The following TTF2 variants were observed in gnomAD, a reference collection of about 807,000 sequenced individuals.
TTF2 encodes the protein RNA polymerase II termination factor.
A neutral mutation model predicts 142.4 loss-of-function variants in TTF2; 108 were observed. That is an observed-to-expected ratio of 0.76 (90% CI 0.65 to 0.89). The LOEUF (loss-of-function observed/expected upper bound fraction) is 0.89. Ranked by LOEUF, TTF2 falls within the 40% of genes least tolerant of loss-of-function variation. The pLI is 0.00. For synonymous variants in TTF2, 483 were observed against 506.2 expected (o/e 0.95, Z 0.61); for missense variants, 1,327 against 1,379.8 (o/e 0.96, Z 0.61).
chr1:117,075,184 A>G lies in TTF2; in HGVS notation c.600A>G (p.Ala200=). 1.2e-6 allele frequency: 2 copies of G among 1,614,230 alleles called. No individual in the cohort carries two copies. Among genetic ancestry groups the G allele is most frequent in the South Asian group, 1.1e-5 (1 of 91,078 alleles). The change falls in exon 5 of 23, where the codon GCA becomes GCG. Residue 200 remains alanine, a synonymous_variant. Coordinates refer to ENST00000369466, the MANE Select transcript of TTF2 (RefSeq NM_003594.4). This position sits in a 1 kb window ranked among gnomAD's most constrained non-coding sequence, Gnocchi z 4.5. ...VVQEKKQEEG[A]EIQCEAETGG... is the part of the protein sequence containing the mutation. ...AAGAGAAGAAGCAAGAAGAGGGAGC[A>G]GAGATTCAGTGTGAGGCAGAGACTG...
rs185920508 is a variant in TTF2 at position 117,072,582 on chromosome 1, G to A, written c.219-1079G>A. Among the ~76,000 whole-genome samples, 362 of 151,812 alleles carry A rather than the reference G, an allele frequency of 2.4e-3. 1 individual carries two copies. Among genetic ancestry groups the A allele is most frequent in the Non-Finnish European group, 3.5e-3 (236 of 67,934 alleles). On this transcript the variant is annotated intron_variant, in intron 3 of 22. Transcript: ENST00000369466. ...TGGGACTACAGGCATGTGCCACCACGCCGGGCTAATTTTTGTATTTTTAGT... is the reference window on the plus strand; with the variant it reads ...TGGGACTACAGGCATGTGCCACCACACCGGGCTAATTTTTGTATTTTTAGT...
Position 117,101,486 on chromosome 1 carries a change from C to T in TTF2, c.3451C>T (p.Leu1151Phe), listed in dbSNP as rs1292746890. The change falls in exon 23 of 23, where the codon CTC (leucine) becomes TTC (phenylalanine). Residue 1151 changes from leucine to phenylalanine, a missense_variant. Coordinates refer to ENST00000369466, the MANE Select transcript of TTF2 (RefSeq NM_003594.4). This position sits in a 1 kb window ranked among gnomAD's most constrained non-coding sequence, Gnocchi z 5.9. ...AGGGTCTGGAGAATCTGTCACCAAG[C>T]TCACCTTGGCTGACCTCAGAGTCCT... ...LSGSGESVTK[L>F]TLADLRVLFG... 6.2e-7 allele frequency: 1 copy of T among 1,602,962 alleles called. No individual in the cohort carries two copies. Among genetic ancestry groups the T allele is most frequent in the East Asian group, 2.2e-5 (1 of 44,766 alleles).
intron 10 of TTF2, among the ~76,000 whole-genome samples, chr1:117,082,613 T>TA (rs1355185131): frequency 2.6e-5 from 4 of 152,242 alleles, no homozygotes; most frequent in African/African-American, 4.8e-5. Context: ...TTTTAGTCAC[T>TA]ATAGTGGAAG....
chr1:117,065,143 A>C (rs1655986632), intron 3 of TTF2, among the ~76,000 whole-genome samples: 1 of 152,150 alleles, frequency 6.6e-6, no homozygotes, highest in Non-Finnish European at 1.5e-5. Context: ...TTCTTTTTCA[A>C]GATTGCGTTG....
At position 117,100,002 on chromosome 1, in the gene TTF2, C is replaced by T. The variant is rs1313016389; in HGVS notation, c.3344+1095C>T. ...AAGGTCTCCTAAACTTCAGACCTAT[C>T]GCAGTCCCTGCTAAATATCTGAATC... On this transcript the variant is annotated intron_variant, in intron 22 of 22. Coordinates refer to ENST00000369466, the MANE Select transcript of TTF2 (RefSeq NM_003594.4). The surrounding 1 kb of genome is among the most constrained non-coding windows in gnomAD (Gnocchi z 4.6). 2.0e-5 allele frequency among the ~76,000 whole-genome samples: 3 copies of T among 152,232 alleles called. No homozygotes were observed. Among genetic ancestry groups the T allele is most frequent in the Admixed American group, 6.5e-5 (1 of 15,282 alleles).
intron 11 of TTF2, among the ~76,000 whole-genome samples, chr1:117,084,500 T>TGG (rs1202459246): frequency 6.6e-6 from 1 of 152,152 alleles, no homozygotes; most frequent in Non-Finnish European, 1.5e-5. Flanking sequence ...TGATTCCAGG[T>TGG]GTACATAGTG....
intron 21 of TTF2, chr1:117,098,615 A>AT (rs978536347): frequency 4.7e-5 from 22 of 464,758 alleles, no homozygotes; most frequent in East Asian, 1.0e-4. Context: ...GGATCGACAG[A>AT]TTTTTTTTCT....
chr1:117,082,564 A>G (rs1286090177), intron 10 of TTF2, among the ~76,000 whole-genome samples: 1 of 152,218 alleles, frequency 6.6e-6, no homozygotes, highest in Non-Finnish European at 1.5e-5. Flanking sequence ...GGTAGATTCA[A>G]ATTAATTTTT....
rs138964764 is a variant in TTF2 at position 117,081,710 on chromosome 1, C to T, written c.1784-118C>T. On this transcript the variant is annotated intron_variant, in intron 9 of 22. Coordinates refer to ENST00000369466, the MANE Select transcript of TTF2 (RefSeq NM_003594.4). ...CATTAAGGTAGGCACAGAGTAGTGA[C>T]GGAGTGGCACTGACAGAGAACAATG... is the stretch of plus-strand genomic sequence containing the variant. 5.8e-5 allele frequency: 73 copies of T among 1,254,752 alleles called. No individual in the cohort carries two copies. The East Asian group carries it at 1.5e-3, about 25-fold the overall frequency. 77.7% of individuals were successfully genotyped at this position (1,254,752 alleles called of 1,614,324 possible).
chr1:117,075,967 T>C lies in TTF2; in HGVS notation c.1275+108T>C. 6.9e-7 allele frequency: 1 copy of C among 1,445,974 alleles called. No individual in the cohort carries two copies. The highest frequency in any genetic ancestry group is 9.2e-7 in the Non-Finnish European group (1 of 1,086,592). 89.6% of individuals were successfully genotyped at this position (1,445,974 alleles called of 1,614,324 possible). A position where few individuals can be genotyped will look rare whatever the true frequency, so the allele number is the denominator to read the frequency against. On this transcript the variant is annotated intron_variant, in intron 5 of 22. Coordinates refer to ENST00000369466, the MANE Select transcript of TTF2 (RefSeq NM_003594.4). The surrounding 1 kb of genome is among the most constrained non-coding windows in gnomAD (Gnocchi z 4.5). ...GTTAAATATGTTCATGTGAAGGTTT[T>C]ATAGGTGCATGTTCAGTTTCTGCCT...
intron 2 of TTF2, among the ~76,000 whole-genome samples, chr1:117,061,270 T>A (rs79131027): frequency 1.3e-3 from 204 of 152,294 alleles, no homozygotes; most frequent in African/African-American, 4.5e-3. Context: ...CACACGCCTG[T>A]AGTCCCAGCT....
In TTF2 at chr1:117,079,206, C is replaced by T. The variant is rs560430860; in HGVS notation, c.1702-362C>T. ...AGTGGGCTGAGATCACGCCACTGCA[C>T]TCTAGCCTGGGCAACAGAGCGAGGC... is the stretch of plus-strand genomic sequence containing the variant. On this transcript the variant is annotated intron_variant, in intron 8 of 22. Transcript: ENST00000369466. This position sits in a 1 kb window ranked among gnomAD's most constrained non-coding sequence, Gnocchi z 4.2. 6.6e-6 allele frequency among the ~76,000 whole-genome samples: 1 copy of T among 152,230 alleles called. No individual in the cohort carries two copies. Among genetic ancestry groups the T allele is most frequent in the East Asian group, 1.9e-4 (1 of 5,186 alleles).
chr1:117,096,177 C>A lies in TTF2; in HGVS notation c.3064C>A (p.Leu1022Met), dbSNP rs1649125800. 1.9e-6 allele frequency: 3 copies of A among 1,613,900 alleles called. No individual in the cohort carries two copies. Among genetic ancestry groups the A allele is most frequent in the African/African-American group, 1.3e-5 (1 of 74,842 alleles). The change falls in exon 20 of 23, where the codon CTG becomes ATG. Residue 1022 changes from leucine (L) to methionine (M), a missense_variant. Coordinates refer to ENST00000369466, the MANE Select transcript of TTF2 (RefSeq NM_003594.4). ...CATTGTCTCTCAGTGGACCAACATG[C>A]TGAAAGTTGTAGCATTGCACCTGAA... ...SVIVSQWTNM[L>M]KVVALHLKKH...
Position 117,074,916 on chromosome 1 carries a change from C to T in TTF2, c.332C>T (p.Ala111Val), listed in dbSNP as rs377624830. 5 of 1,611,648 alleles carry T rather than the reference C, an allele frequency of 3.1e-6. No homozygotes were observed. Among genetic ancestry groups the T allele is most frequent in the African/African-American group, 2.7e-5 (2 of 74,612 alleles). The change falls in exon 5 of 23, where the codon GCA becomes GTA. Residue 111 changes from alanine (A) to valine (V), a missense_variant. Transcript: ENST00000369466. ...TCTGTATCCAATAAGTCTCAGCATG[C>T]ATCTGAGACATTTCATCATTCTTCC... ...EHSVSNKSQH[A>V]SETFHHSSNW...
Position 117,090,750 on chromosome 1 carries a change from C to A in TTF2, c.2588+127C>A. On this transcript the variant is annotated intron_variant, in intron 15 of 22. Transcript: ENST00000369466. The surrounding 1 kb of genome is among the most constrained non-coding windows in gnomAD (Gnocchi z 4.8). Reference sequence around the variant, plus strand: ...TTGATTAGTTGGATGTCTGTATTCCCTTTTTTTTTTTACCCCATTTTTCTC... The same window carrying A: ...TTGATTAGTTGGATGTCTGTATTCCATTTTTTTTTTTACCCCATTTTTCTC... The A allele has an allele frequency of 1.6e-6, 1 of 614,982 alleles. No individual in the cohort carries two copies. Among genetic ancestry groups the A allele is most frequent in the African/African-American group, 2.0e-5 (1 of 51,246 alleles). 38.1% of individuals were successfully genotyped at this position (614,982 alleles called of 1,614,324 possible).
At chr1:117,065,816 C>CA (rs1656053002) in intron 3 of TTF2, among the ~76,000 whole-genome samples, 1 of 151,840 alleles carries the variant, frequency 6.6e-6, no homozygotes, top group Non-Finnish European at 1.5e-5. Context: ...CATTTACATA[C>CA]TACTGGAGGA....
rs1656464809 is a variant in TTF2, at chr1:117,070,222, C to T, written c.219-3439C>T. On this transcript the variant is annotated intron_variant, in intron 3 of 22. Coordinates refer to ENST00000369466, the MANE Select transcript of TTF2 (RefSeq NM_003594.4). This position sits in a 1 kb window ranked among gnomAD's most constrained non-coding sequence, Gnocchi z 4.2. ...CATGGCATGAGTTTTAAAGTAGACA[C>T]TACAGTCATGAGTCATTTAACAATG... is the stretch of plus-strand genomic sequence containing the variant. 1.3e-5 allele frequency among the ~76,000 whole-genome samples: 2 copies of T among 152,224 alleles called. No homozygotes were observed. Among genetic ancestry groups the T allele is most frequent in the African/African-American group, 4.8e-5 (2 of 41,448 alleles).
chr1:117,095,397 T>C (rs750527384), intron 19 of TTF2, 30 bp downstream of exon 19: 20 of 1,606,496 alleles, frequency 1.2e-5, no homozygotes, highest in Non-Finnish European at 1.7e-5. Flanking sequence ...ATCCAAGTAT[T>C]GGTCATAATT....
chr1:117,092,639 T>G lies in TTF2; in HGVS notation c.2806-92T>G. The G allele has an allele frequency of 1.4e-6, 2 of 1,405,296 alleles. No homozygotes were observed. The highest frequency in any genetic ancestry group is 9.7e-7 in the Non-Finnish European group (1 of 1,034,552). 87.1% of individuals were successfully genotyped at this position (1,405,296 alleles called of 1,614,324 possible). A position where few individuals can be genotyped will look rare whatever the true frequency, so the allele number is the denominator to read the frequency against. On this transcript the variant is annotated intron_variant, in intron 17 of 22. Coordinates refer to ENST00000369466, the MANE Select transcript of TTF2 (RefSeq NM_003594.4). The surrounding 1 kb of genome is among the most constrained non-coding windows in gnomAD (Gnocchi z 4.4). ...TGACAAATTACAAGATATTTTGCTC[T>G]GTGAAGTGGTAAACAATCAAAACAT... is the stretch of plus-strand genomic sequence containing the variant.
Sources: allele counts gnomAD v4.1 joint callset (sites outside exome capture counted in the v4.1 genomes callset), GRCh38; gene constraint gnomAD v4.1.1; non-coding constraint Gnocchi (gnomAD v3.1); transcripts MANE v1.5; gene names NCBI Gene and HGNC (gene_info 2026-07-23, HGNC 2026-07-21).